The following SMOC2 variants were observed in gnomAD, a reference collection of about 807,000 sequenced individuals.
SMOC2 encodes SPARC related modular calcium binding 2, also known as SPARC-related modular calcium-binding protein 2.
In SMOC2, 39 loss-of-function variants were observed where a neutral mutation model predicts 61.4. The ratio of observed to expected loss-of-function variants is 0.64; its 90% confidence interval spans 0.49 to 0.83. The LOEUF (loss-of-function observed/expected upper bound fraction) is 0.83, where lower values mean the gene tolerates loss of function less well. SMOC2 is among the 40% of genes least tolerant of loss of function. The pLI is 0.00. For synonymous variants in SMOC2, 247 were observed against 239.9 expected (o/e 1.03, Z -0.27); for missense variants, 556 against 592.9 (o/e 0.94, Z 0.65).
intron 4 of SMOC2, among the ~76,000 whole-genome samples, chr6:168,541,364 G>A (rs9364259): frequency 0.013 from 1,977 of 152,308 alleles, 24 homozygotes; most frequent in East Asian, 0.031. Context: ...CAGACACTGT[G>A]CGTATCAGTC....
Position 168,510,007 on chromosome 6 carries a change from C to T in SMOC2, c.177C>T (p.Thr59=), listed in dbSNP as rs748370458. 1 of 1,614,222 alleles carries T rather than the reference C, an allele frequency of 6.2e-7. No homozygotes were observed. Among genetic ancestry groups the T allele is most frequent in the South Asian group, 1.1e-5 (1 of 91,082 alleles). The change falls in exon 2 of 13, where the codon ACC becomes ACT. Residue 59 remains threonine, a synonymous_variant. Transcript: ENST00000356284. ...QKPLCASDGR[T]FLSRCEFQRA... ...CTCTCTGCGCATCTGACGGAAGGAC[C>T]TTCCTTTCCCGTTGTGAATTTCAAC...
chr6:168,659,716 G>A (rs77446532), intron 11 of SMOC2, among the ~76,000 whole-genome samples: 10,241 of 104,432 alleles, frequency 0.098, 2 homozygotes, highest in Admixed American at 0.11. Flanking sequence ...GTTGTAGGCT[G>A]AGTGAGGGTG....
Position 168,650,701 on chromosome 6 carries a change from C to G in SMOC2, c.928C>G (p.His310Asp), listed in dbSNP as rs373215603. The G allele has an allele frequency of 2.0e-5, 33 of 1,613,822 alleles. No homozygotes were observed. In the African/African-American group the frequency reaches 4.3e-4, roughly 21 times the overall value. ...QLQGCPGAKK[H>D]EFLTSVLDAL... ...TTCAGGTTGTCCGGGTGCCAAAAAG[C>G]ATGAGTTTCTGACCAGCGTTCTGGA... Residue 310 changes from histidine to aspartate, a missense_variant, in exon 10 of 13, where the codon CAT becomes GAT. Coordinates refer to ENST00000356284, the MANE Select transcript of SMOC2 (RefSeq NM_001166412.2).
chr6:168,660,581 T>A (rs1392889932), intron 11 of SMOC2, among the ~76,000 whole-genome samples: 2 of 152,246 alleles, frequency 1.3e-5, no homozygotes, highest in African/African-American at 2.4e-5. Context: ...CTGGTTCACA[T>A]AGCATAGAGG....
intron 1 of SMOC2, among the ~76,000 whole-genome samples, chr6:168,449,341 C>T (rs188117769): frequency 1.3e-5 from 2 of 152,188 alleles, no homozygotes; most frequent in African/African-American, 2.4e-5. Flanking sequence ...CATTAGCAAT[C>T]GAATTGAGGG....
At chr6:168,609,463 G>T (rs182565251) in intron 9 of SMOC2, among the ~76,000 whole-genome samples, 1 of 152,124 alleles carries the variant, frequency 6.6e-6, no homozygotes, top group Non-Finnish European at 1.5e-5. Flanking sequence ...AAGAGATCAC[G>T]ATGGTGCAAA....
chr6:168,659,283 G>C (rs1242822944), intron 11 of SMOC2, among the ~76,000 whole-genome samples: 1 of 152,162 alleles, frequency 6.6e-6, no homozygotes, highest in African/African-American at 2.4e-5. Flanking sequence ...ATCCCAAGGA[G>C]AAGAGGCCAT....
chr6:168,446,379 A>G (rs1445821309), intron 1 of SMOC2, among the ~76,000 whole-genome samples: 1 of 152,220 alleles, frequency 6.6e-6, no homozygotes, highest in Non-Finnish European at 1.5e-5. Context: ...AAACAAAAAC[A>G]AAAGATAAAC....
intron 1 of SMOC2, among the ~76,000 whole-genome samples, chr6:168,477,598 T>G (rs1358763201): frequency 6.6e-6 from 1 of 152,188 alleles, no homozygotes; most frequent in Non-Finnish European, 1.5e-5. Flanking sequence ...CGGAAAATGA[T>G]GATGGAGCAA....
At chr6:168,555,540 C>T (rs1374100244) in intron 7 of SMOC2, among the ~76,000 whole-genome samples, 1 of 152,216 alleles carries the variant, frequency 6.6e-6, no homozygotes, top group Admixed American at 6.5e-5. Flanking sequence ...CAGCACCCTG[C>T]TCCCCGTGGG....
At chr6:168,664,016 C>T in intron 11 of SMOC2, 58 bp from the exon 12 acceptor site, 2 of 1,426,714 alleles carry the variant, frequency 1.4e-6, no homozygotes, top group Non-Finnish European at 1.9e-6. Context: ...TTGTGTTGAA[C>T]CTTTCATTAA....
chr6:168,547,161 A>G lies in SMOC2; in HGVS notation c.554A>G (p.Asp185Gly), dbSNP rs1784022993. 2 of 1,613,870 alleles carry G rather than the reference A, an allele frequency of 1.2e-6. No individual in the cohort carries two copies. The highest frequency in any genetic ancestry group is 1.7e-6 in the Non-Finnish European group (2 of 1,180,004). ...GCGTTGGAGACTCAGCCTCAAGGAG[A>G]TGAAGAAGGTGAGCCGGGGTGGGGA... ...APALETQPQG[D>G]EEDIASRYPT... Residue 185 changes from aspartate to glycine, a missense_variant, in exon 6 of 13, where the codon GAT becomes GGT. By Grantham distance (94) the Asp-to-Gly change is moderately conservative. Transcript: ENST00000356284.
At chr6:168,541,091 C>T (rs974740215) in intron 4 of SMOC2, among the ~76,000 whole-genome samples, 1 of 152,228 alleles carries the variant, frequency 6.6e-6, no homozygotes, top group Non-Finnish European at 1.5e-5. Context: ...GCTATTATTC[C>T]TCCCTTAAAC....
chr6:168,653,632 GTTAGGAACTCACCAACCCTCTACCTGAGC>G, intron 11 of SMOC2, among the ~76,000 whole-genome samples: 1 of 136,354 alleles, frequency 7.3e-6, no homozygotes, highest in Non-Finnish European at 1.6e-5. Flanking sequence ...CCAACCAAAT[GTTAGGAACTCACCAACCCTCTACCTGAGC>G]TCCAACCAAA....
intron 1 of SMOC2, among the ~76,000 whole-genome samples, chr6:168,451,639 C>T (rs2114993963): frequency 6.6e-6 from 1 of 151,990 alleles, no homozygotes. Flanking sequence ...CCCTCCCTCT[C>T]TGGGTGTATA....
intron 2 of SMOC2, among the ~76,000 whole-genome samples, chr6:168,519,536 G>A (rs1031387691): frequency 1.3e-5 from 2 of 152,130 alleles, no homozygotes; most frequent in African/African-American, 4.8e-5. Context: ...GAGATTCAGG[G>A]CCTTCGGTCT....
At chr6:168,463,767 G>T (rs545705184) in intron 1 of SMOC2, among the ~76,000 whole-genome samples, 1 of 152,164 alleles carries the variant, frequency 6.6e-6, no homozygotes, top group African/African-American at 2.4e-5. Flanking sequence ...GCCCAGGCGT[G>T]TTGCTCAGGC....
intron 1 of SMOC2, among the ~76,000 whole-genome samples, chr6:168,482,860 TA>T (rs1782241005): frequency 6.6e-6 from 1 of 152,022 alleles, no homozygotes; most frequent in African/African-American, 2.4e-5. Flanking sequence ...CTTCCATGAC[TA>T]AAAACTCTCA....
At chr6:168,557,186 T>C (rs142747952) in intron 7 of SMOC2, among the ~76,000 whole-genome samples, 15 of 152,342 alleles carry the variant, frequency 9.8e-5, no homozygotes, top group African/African-American at 3.6e-4. Context: ...GTTTTTCAAA[T>C]ATGACATTAC....
Sources: allele counts gnomAD v4.1 joint callset (sites outside exome capture counted in the v4.1 genomes callset), GRCh38; gene constraint gnomAD v4.1.1; transcripts MANE v1.5; gene names NCBI Gene and HGNC (gene_info 2026-07-23, HGNC 2026-07-21).